FRK: variants seen among roughly 807,000 people sequenced by gnomAD.
The protein encoded by FRK is tyrosine-protein kinase FRK.
FRK carries 51 observed loss-of-function variants against 56.4 expected under a neutral mutation model. The observed-to-expected ratio is 0.90, with a 90% CI of 0.72 to 1.14. The LOEUF is 1.14. Ranked by LOEUF, FRK falls within the 50% of genes most tolerant of loss-of-function variation. The pLI is 0.00. For synonymous variants in FRK, 245 were observed against 217.9 expected (o/e 1.12, Z -1.10); for missense variants, 570 against 601.4 (o/e 0.95, Z 0.55).
At chr6:116,051,101 C>A (rs1169460248) in intron 1 of FRK, among the ~76,000 whole-genome samples, 1 of 152,162 alleles carries the variant, frequency 6.6e-6, no homozygotes, top group Non-Finnish European at 1.5e-5. Flanking sequence ...TCTTCCAAAT[C>A]ATGCTGCCAA....
chr6:116,033,876 T>C (rs1776381063), intron 1 of FRK, among the ~76,000 whole-genome samples: 1 of 152,114 alleles, frequency 6.6e-6, no homozygotes, highest in Admixed American at 6.6e-5. Context: ...CTAAGCCAGA[T>C]TGAAAGTTCA....
intron 5 of FRK, among the ~76,000 whole-genome samples, chr6:115,953,179 C>CGCT (rs146010240): frequency 1.4e-5 from 1 of 69,398 alleles, no homozygotes. Flanking sequence ...ATTTTAAGGC[C>CGCT]ATTTTTTTTT....
At chr6:116,079,021 T>C in the FRK span, among the ~76,000 whole-genome samples, 199 of 152,330 alleles carry the variant, frequency 1.3e-3, no homozygotes, top group African/African-American at 4.6e-3. Context: ...CTGTGTATTC[T>C]GTTGGGATGC....
intron 2 of FRK, among the ~76,000 whole-genome samples, chr6:116,000,542 C>T (rs1214260555): frequency 6.6e-6 from 1 of 152,050 alleles, no homozygotes; most frequent in Non-Finnish European, 1.5e-5. Context: ...CCACCACACC[C>T]TGCCTCATTC....
At chr6:115,982,396 T>A (rs1283462083) in intron 2 of FRK, among the ~76,000 whole-genome samples, 1 of 152,162 alleles carries the variant, frequency 6.6e-6, no homozygotes, top group Non-Finnish European at 1.5e-5. Context: ...TGTGAGCCAA[T>A]TCCCATAATA....
rs1307199627 is a variant in FRK at position 115,933,612 on chromosome 6, A to T, written c.*8802T>A. ...CATATTTCAAAATCAGATCTTACTT[A>T]AAAATTTATTATTATTAGCTACCAA... is the stretch of plus-strand genomic sequence containing the variant. On this transcript the variant is annotated 3_prime_UTR_variant, in exon 8 of 8. Transcript: ENST00000606080. The T allele has an allele frequency of 6.6e-6, 1 of 152,214 alleles. No individual in the cohort carries two copies. The highest frequency in any genetic ancestry group is 1.5e-5 in the Non-Finnish European group (1 of 68,016). 9.4% of individuals were successfully genotyped at this position (152,214 alleles called of 1,614,324 possible).
chr6:115,992,851 G>A (rs1774669330), intron 2 of FRK, among the ~76,000 whole-genome samples: 1 of 151,778 alleles, frequency 6.6e-6, no homozygotes, highest in Admixed American at 6.6e-5. Flanking sequence ...TTGTAAAGGA[G>A]AGCTATTGAA....
intron 1 of FRK, among the ~76,000 whole-genome samples, chr6:116,048,656 G>A (rs1011181427): frequency 3.9e-5 from 6 of 152,072 alleles, no homozygotes; most frequent in African/African-American, 1.4e-4. Context: ...AAAGTACTGG[G>A]ATCACAGGCA....
At chr6:115,951,846 G>A (rs1241783348) in intron 5 of FRK, among the ~76,000 whole-genome samples, 1 of 152,000 alleles carries the variant, frequency 6.6e-6, no homozygotes, top group Admixed American at 6.6e-5. Flanking sequence ...ACCAACAGAG[G>A]TCAAAACTGA....
intron 5 of FRK, among the ~76,000 whole-genome samples, chr6:115,953,195 T>TC: frequency 8.1e-6 from 1 of 124,046 alleles, no homozygotes; most frequent in Non-Finnish European, 1.7e-5. Flanking sequence ...TTTTTTTTTT[T>TC]TTTTTTTTTT....
At chr6:116,041,770 T>G (rs763760937) in intron 1 of FRK, among the ~76,000 whole-genome samples, 1 of 152,224 alleles carries the variant, frequency 6.6e-6, no homozygotes, top group South Asian at 2.1e-4. Flanking sequence ...GAGATTCCCT[T>G]GGGTGCCAAT....
intron 3 of FRK, 69 bp from the exon 4 acceptor site, chr6:115,967,788 A>G: frequency 8.2e-7 from 1 of 1,218,892 alleles, no homozygotes. Flanking sequence ...TTTGTTGAAA[A>G]TAATAGTCTA....
chr6:116,046,314 A>C lies in FRK; in HGVS notation c.344+13654T>G, dbSNP rs1776957594. Among the ~76,000 whole-genome samples, 5 of 152,238 alleles carry C rather than the reference A, an allele frequency of 3.3e-5. No homozygotes were observed. In the South Asian group the frequency reaches 1.0e-3, roughly 31 times the overall value. ...CCAAAGGATTATAAATCATTCTACT[A>C]TAAAGACACATGCACACATATGTTT... On this transcript the variant is annotated intron_variant, in intron 1 of 7. Transcript: ENST00000606080.
the FRK span, among the ~76,000 whole-genome samples, chr6:116,090,516 T>C: frequency 2.0e-5 from 3 of 152,228 alleles, no homozygotes; most frequent in Non-Finnish European, 4.4e-5. Flanking sequence ...AATGGCCGCA[T>C]GGTTTGAGTC....
At chr6:116,028,257 C>G (rs1249041250) in intron 1 of FRK, among the ~76,000 whole-genome samples, 2 of 152,082 alleles carry the variant, frequency 1.3e-5, no homozygotes, top group Non-Finnish European at 2.9e-5. Context: ...ATTTCCTATA[C>G]TAATAAATTT....
intron 1 of FRK, among the ~76,000 whole-genome samples, chr6:116,011,632 G>T (rs1775473291): frequency 6.6e-6 from 1 of 152,144 alleles, no homozygotes. Context: ...ATGTTATAAT[G>T]GGTAAAACAC....
chr6:115,965,280 C>T (rs1460825290), intron 4 of FRK, among the ~76,000 whole-genome samples: 1 of 94,806 alleles, frequency 1.1e-5, no homozygotes, highest in Non-Finnish European at 2.1e-5. Context: ...ATTTATGCAG[C>T]CAAAAAACAC....
chr6:116,077,117 T>C, the FRK span, among the ~76,000 whole-genome samples: 1 of 152,192 alleles, frequency 6.6e-6, no homozygotes, highest in African/African-American at 2.4e-5. Context: ...CATATAGAAA[T>C]AGAGGTACAT....
rs768103801 is a variant in FRK at position 116,060,105 on chromosome 6, A to C, written c.207T>G (p.Leu69=). 3 of 1,614,212 alleles carry C rather than the reference A, an allele frequency of 1.9e-6. No individual in the cohort carries two copies. Among genetic ancestry groups the C allele is most frequent in the Non-Finnish European group, 2.5e-6 (3 of 1,180,030 alleles). The change falls in exon 1 of 8, where the codon CTT becomes CTG. Residue 69 remains leucine (L), a synonymous_variant. Coordinates refer to ENST00000606080, the MANE Select transcript of FRK (RefSeq NM_002031.3). ...EDLSFRAGDK[L]QVLDTLHEGW... is the part of the protein sequence containing the mutation. Reference sequence around the variant, plus strand: ...CCTCATGCAAAGTGTCCAGAACTTGAAGTTTGTCACCTGCTCGGAAGCTCA... The same window carrying C: ...CCTCATGCAAAGTGTCCAGAACTTGCAGTTTGTCACCTGCTCGGAAGCTCA...
Sources: gnomAD v4.1 joint callset for allele counts (sites outside exome capture counted in the v4.1 genomes callset) on GRCh38, gnomAD v4.1.1 for gene constraint, MANE v1.5 for transcripts, NCBI Gene and HGNC (gene_info 2026-07-23, HGNC 2026-07-21) for gene names.